TBC1D10A: variants seen among roughly 807,000 people sequenced by gnomAD.
TBC1D10A encodes the protein EBP50-PDX interactor of 64 kDa.
TBC1D10A carries 24 observed loss-of-function variants against 52.9 expected under a neutral mutation model. The ratio of observed to expected loss-of-function variants is 0.45; its 90% CI spans 0.33 to 0.64. TBC1D10A has a LOEUF of 0.64. Ranked by LOEUF, TBC1D10A falls within the 30% of genes least tolerant of loss-of-function variation. The probability of loss-of-function intolerance (pLI) is 0.02; values close to 1 mark genes in which losing one functional copy is unlikely to be tolerated. For missense variants in TBC1D10A, 602 were observed against 687.9 expected, an observed-to-expected ratio of 0.88 and a Z score of 1.40; for synonymous variants, 278 against 282.9, an observed-to-expected ratio of 0.98 and a Z score of 0.17.
chr22:30,306,406 C>T (rs1382984120), intron 1 of TBC1D10A, among the ~76,000 whole-genome samples: 1 of 152,206 alleles, frequency 6.6e-6, no homozygotes, highest in Non-Finnish European at 1.5e-5. Flanking sequence ...CAAAGATGCC[C>T]ATTCTCCCAA....
intron 1 of TBC1D10A, among the ~76,000 whole-genome samples, chr22:30,309,587 G>T (rs536468227): frequency 2.0e-5 from 3 of 152,314 alleles, no homozygotes; most frequent in African/African-American, 7.2e-5. Context: ...AGGAGACAAA[G>T]GTGGCACCTA....
chr22:30,299,181 C>A (rs534722472), intron 3 of TBC1D10A: 1 of 391,186 alleles, frequency 2.6e-6, no homozygotes, highest in Non-Finnish European at 4.7e-6. Context: ...AGAGAAAGAG[C>A]TGGAATAGGG....
At position 30,326,797 on chromosome 22, in the gene TBC1D10A, C is replaced by A. The variant is rs985439622; in HGVS notation, c.85G>T (p.Gly29Cys). The change falls in exon 1 of 9, where the codon GGC becomes TGC. Residue 29 changes from glycine (G) to cysteine (C), a missense_variant. Around this residue, in one of 3 missense-constraint regions of TBC1D10A, gnomAD observed 201 missense variants for 204.4 expected, o/e 0.98. Transcript: ENST00000215790. ...LSGTRESLAQ[G>C]PDAATTDELS... ...TCGTCGGTGGTTGCGGCGTCGGGGC[C>A]CTGGGCCAGGCTCTCCCGGGTTCCC... The A allele has an allele frequency of 2.0e-6, 3 of 1,496,152 alleles. No individual in the cohort carries two copies. Among genetic ancestry groups the A allele is most frequent in the African/African-American group, 1.5e-5 (1 of 68,698 alleles). The allele number at this position is 1,496,152 out of a possible 1,614,324, so 92.7% of individuals were successfully genotyped here.
chr22:30,292,540 G>A lies in TBC1D10A; in HGVS notation c.1362C>T (p.Ala454=). Reference sequence around the variant, plus strand: ...CATCTCCTGCAGCGGCCACCACCATGGCTTGATTTGGGGCTGGGGGCTTCT... The same window carrying A: ...CATCTCCTGCAGCGGCCACCACCATAGCTTGATTTGGGGCTGGGGGCTTCT... ...QLEKPPAPNQ[A]MVVAAAGDAC... Residue 454 remains alanine (A), a synonymous_variant, in exon 9 of 9, where the codon GCC becomes GCT. Coordinates refer to ENST00000215790, the MANE Select transcript of TBC1D10A (RefSeq NM_031937.3). The A allele has an allele frequency of 6.2e-7, 1 of 1,613,462 alleles. No individual in the cohort carries two copies. The highest frequency in any genetic ancestry group is 1.7e-4 in the Middle Eastern group (1 of 6,058).
chr22:30,322,593 C>CTT (rs34874729), intron 1 of TBC1D10A, among the ~76,000 whole-genome samples: 6 of 24,874 alleles, frequency 2.4e-4, no homozygotes, highest in Non-Finnish European at 3.1e-4. Flanking sequence ...TCACTTTCAG[C>CTT]TTTTTTTTTT....
rs1930793067 is a variant in TBC1D10A, at chr22:30,326,886, G to A, written c.-5C>T. 6.8e-7 allele frequency: 1 copy of A among 1,475,352 alleles called. No individual in the cohort carries two copies. The highest frequency in any genetic ancestry group is 2.5e-5 in the Admixed American group (1 of 40,636). 91.4% of individuals were successfully genotyped at this position (1,475,352 alleles called of 1,614,324 possible). A position where few individuals can be genotyped will look rare whatever the true frequency, so the allele number is the denominator to read the frequency against. ...CTCTCCGTTGCTCTTCGCCATCCCA[G>A]CCGCGCCCGCCGCCTGAGCTCCAGC... is the stretch of plus-strand genomic sequence containing the variant. On this transcript the variant is annotated 5_prime_UTR_variant, in exon 1 of 9. Coordinates refer to ENST00000215790, the MANE Select transcript of TBC1D10A (RefSeq NM_031937.3).
At chr22:30,303,847 C>T (rs563668131) in intron 2 of TBC1D10A, among the ~76,000 whole-genome samples, 1 of 152,328 alleles carries the variant, frequency 6.6e-6, no homozygotes, top group East Asian at 1.9e-4. Context: ...CAAGAATGTT[C>T]CCACAGGGCA....
chr22:30,318,970 CTGAGA>C, intron 1 of TBC1D10A: 1 of 303,654 alleles, frequency 3.3e-6, no homozygotes, highest in East Asian at 9.1e-5. Context: ...CAAGGCTAGA[CTGAGA>C]CTGCCCAACC....
chr22:30,304,046 A>C (rs1348937581), intron 2 of TBC1D10A, among the ~76,000 whole-genome samples: 2 of 152,210 alleles, frequency 1.3e-5, no homozygotes, highest in African/African-American at 4.8e-5. Context: ...GCAGGTGCTA[A>C]AGGTACACTG....
intron 2 of TBC1D10A, among the ~76,000 whole-genome samples, chr22:30,300,213 C>T (rs183614250): frequency 5.3e-5 from 8 of 151,906 alleles, no homozygotes; most frequent in African/African-American, 1.2e-4. Context: ...TCTGGGGAGC[C>T]GAGAAGGGCA....
intron 1 of TBC1D10A, among the ~76,000 whole-genome samples, chr22:30,324,218 T>C (rs1407358802): frequency 1.3e-5 from 2 of 152,154 alleles, no homozygotes; most frequent in Non-Finnish European, 2.9e-5. Context: ...TTCTCTAGCA[T>C]AGAACATGGA....
rs538803095 is a variant in TBC1D10A, at chr22:30,294,725, T to C, written c.705+71A>G. 14 of 1,602,530 alleles carry C rather than the reference T, an allele frequency of 8.7e-6. No individual in the cohort carries two copies. The African/African-American group carries it at 1.1e-4, about 12-fold the overall frequency. On this transcript the variant is annotated intron_variant, in intron 6 of 8. Transcript: ENST00000215790. ...TTTTTAACCTGGGCAGGAGTTACTA[T>C]GAGAGAAGGGCCTGGAGGGGCCACA...
At chr22:30,322,495 G>A (rs1055455597) in intron 1 of TBC1D10A, among the ~76,000 whole-genome samples, 1 of 148,982 alleles carries the variant, frequency 6.7e-6, no homozygotes, top group African/African-American at 2.5e-5. Context: ...GTGAAGAAAT[G>A]GAAAGGCCTA....
In TBC1D10A at chr22:30,326,804, C is replaced by T. The variant is rs760936652; in HGVS notation, c.78G>A (p.Leu26=). The T allele has an allele frequency of 1.3e-6, 2 of 1,486,540 alleles. No homozygotes were observed. Among genetic ancestry groups the T allele is most frequent in the Non-Finnish European group, 1.8e-6 (2 of 1,118,512 alleles). The allele number at this position is 1,486,540 out of a possible 1,614,324, so 92.1% of individuals were successfully genotyped here. Residue 26 remains leucine, a synonymous_variant, in exon 1 of 9, where the codon CTG becomes CTA. Coordinates refer to ENST00000215790, the MANE Select transcript of TBC1D10A (RefSeq NM_031937.3). ...GESLSGTRES[L]AQGPDAATTD... ...TGGTTGCGGCGTCGGGGCCCTGGGC[C>T]AGGCTCTCCCGGGTTCCCGACAGGC...
Position 30,299,537 on chromosome 22 carries a change from G to A in TBC1D10A, c.324C>T (p.Cys108=), listed in dbSNP as rs1203392794. Residue 108 remains cysteine (C), a synonymous_variant, in exon 3 of 9, where the codon TGC becomes TGT. Transcript: ENST00000215790. ...GCAGAGAAGGCGGGATGCCCTTTTG[G>A]CACCGCAGACGAATCTGAAAATCAA... ...AKKHKKIRLR[C]QKGIPPSLRG... The A allele has an allele frequency of 1.9e-6, 3 of 1,614,098 alleles. No individual in the cohort carries two copies. The highest frequency in any genetic ancestry group is 2.2e-5 in the East Asian group (1 of 44,880).
chr22:30,308,324 A>ATGCCTACC (rs1930358020), intron 1 of TBC1D10A, among the ~76,000 whole-genome samples: 1 of 147,764 alleles, frequency 6.8e-6, no homozygotes, highest in East Asian at 2.0e-4. Flanking sequence ...GCATGCCTGC[A>ATGCCTACC]TGCCTGCATG....
chr22:30,326,277 G>T (rs1341879243), intron 1 of TBC1D10A, among the ~76,000 whole-genome samples: 1 of 151,160 alleles, frequency 6.6e-6, no homozygotes, highest in Non-Finnish European at 1.5e-5. Flanking sequence ...AGTGTCTATG[G>T]AGGGGGGCGC....
intron 2 of TBC1D10A, among the ~76,000 whole-genome samples, chr22:30,304,006 A>G (rs1237809384): frequency 6.6e-6 from 1 of 152,238 alleles, no homozygotes; most frequent in Admixed American, 6.5e-5. Flanking sequence ...TAGAGGGTAA[A>G]GAAGGCCTCG....
chr22:30,292,681 T>C lies in TBC1D10A; in HGVS notation c.1221A>G (p.Ser407=), dbSNP rs138349413. 7.8e-5 allele frequency: 126 copies of C among 1,607,640 alleles called. No homozygotes were observed. Among genetic ancestry groups the C allele is most frequent in the Non-Finnish European group, 6.9e-5 (81 of 1,176,996 alleles). ...EPGPRPALQP[S]PSIRLPLDAP... ...CATCTAGGGGCAGGCGGATGGATGGTGAAGGTTGTAGGGCAGGCCGGGGAC... is the reference window on the plus strand; with the variant it reads ...CATCTAGGGGCAGGCGGATGGATGGCGAAGGTTGTAGGGCAGGCCGGGGAC... The change falls in exon 9 of 9, where the codon TCA becomes TCG. Residue 407 remains serine, a synonymous_variant. Transcript: ENST00000215790.
Sources: allele counts gnomAD v4.1 joint callset (sites outside exome capture counted in the v4.1 genomes callset), GRCh38; gene constraint gnomAD v4.1.1; regional missense constraint gnomAD v4.1.1; transcripts MANE v1.5; gene names NCBI Gene and HGNC (gene_info 2026-07-23, HGNC 2026-07-21).